Variants in SEMA3D observed in about 807,000 individuals in gnomAD.
SEMA3D encodes the protein semaphorin 3D.
A neutral mutation model predicts 100.1 loss-of-function variants in SEMA3D; 84 were observed. That is an observed-to-expected ratio of 0.84 (90% CI 0.70 to 1.01). The LOEUF (loss-of-function observed/expected upper bound fraction) is 1.01. SEMA3D is among the 50% of genes least tolerant of loss of function. The pLI is 0.00. For missense variants in SEMA3D, 875 were observed against 934.1 expected, an observed-to-expected ratio of 0.94 and a Z score of 0.82; for synonymous variants, 312 against 320.7, an observed-to-expected ratio of 0.97 and a Z score of 0.29.
intron 8 of SEMA3D, among the ~76,000 whole-genome samples, chr7:85,062,144 TCC>T (rs932238002): frequency 6.6e-6 from 1 of 152,190 alleles, no homozygotes; most frequent in Non-Finnish European, 1.5e-5. Context: ...CAATCTCACC[TCC>T]GCTAGCTGTT....
the SEMA3D span, among the ~76,000 whole-genome samples, chr7:85,208,615 C>T: frequency 6.6e-6 from 1 of 151,878 alleles, no homozygotes; most frequent in Non-Finnish European, 1.5e-5. Context: ...TGTACAAAAT[C>T]CAGACATTGG....
chr7:85,121,655 T>A, intron 3 of SEMA3D, 86 bp downstream of exon 3: 2 of 726,746 alleles, frequency 2.8e-6, no homozygotes, highest in East Asian at 6.1e-5. Flanking sequence ...GAAGTCAATA[T>A]GCTTTTCTAA....
intron 9 of SEMA3D, among the ~76,000 whole-genome samples, chr7:85,047,324 G>A (rs923512500): frequency 5.3e-5 from 8 of 151,710 alleles, no homozygotes; most frequent in Admixed American, 4.0e-4. Context: ...CTAAAGCAGG[G>A]TAATATGGCA....
At chr7:85,018,354 T>A (rs113032700) in intron 14 of SEMA3D, 61 bp from the exon 15 acceptor site, 2 of 1,042,742 alleles carry the variant, frequency 1.9e-6, no homozygotes, top group Non-Finnish European at 1.5e-6. Flanking sequence ...TATTAAACAA[T>A]ATGTTGTTTT....
At chr7:85,170,062 T>A (rs906981804) in intron 1 of SEMA3D, among the ~76,000 whole-genome samples, 1 of 151,636 alleles carries the variant, frequency 6.6e-6, no homozygotes. Context: ...AGCAAAAGAT[T>A]TAAAAAAAGA....
chr7:85,089,137 C>G (rs987749463), intron 4 of SEMA3D, among the ~76,000 whole-genome samples: 4 of 152,140 alleles, frequency 2.6e-5, no homozygotes, highest in African/African-American at 7.2e-5. Context: ...TGAATCTCAG[C>G]AGCCCAGCCT....
intron 3 of SEMA3D, among the ~76,000 whole-genome samples, chr7:85,116,213 CAT>C (rs1251838138): frequency 6.8e-6 from 1 of 147,962 alleles, no homozygotes; most frequent in Non-Finnish European, 1.5e-5. Context: ...TGCACATATA[CAT>C]ATATAAATAC....
intron 8 of SEMA3D, among the ~76,000 whole-genome samples, chr7:85,057,130 A>G (rs891656855): frequency 6.6e-6 from 1 of 152,104 alleles, no homozygotes; most frequent in Admixed American, 6.6e-5. Context: ...AAAGATGGCC[A>G]TAATATATGT....
chr7:85,171,434 G>A lies in SEMA3D; in HGVS notation c.-173+15244C>T, dbSNP rs113667916. On this transcript the variant is annotated intron_variant, in intron 1 of 18. Coordinates refer to ENST00000284136, the MANE Select transcript of SEMA3D (RefSeq NM_001384900.1). Reference sequence around the variant, plus strand: ...GAAAGGGAACAGTCAGGGGAAACCCGGGAATTATGGGGGCCTCAAAATAAG... The same window carrying A: ...GAAAGGGAACAGTCAGGGGAAACCCAGGAATTATGGGGGCCTCAAAATAAG... Among the ~76,000 whole-genome samples the A allele has an allele frequency of 7.2e-3, 1,094 of 151,988 alleles. 13 individuals are homozygous for A. Among genetic ancestry groups the A allele is most frequent in the African/African-American group, 0.025 (1,048 of 41,476 alleles).
chr7:85,024,863 T>A (rs1208357111), intron 12 of SEMA3D, among the ~76,000 whole-genome samples: 1 of 152,012 alleles, frequency 6.6e-6, no homozygotes, highest in African/African-American at 2.4e-5. Flanking sequence ...TGATATCATA[T>A]AGCTGTGCTG....
chr7:85,106,894 G>A (rs1227352849), intron 3 of SEMA3D, among the ~76,000 whole-genome samples: 2 of 151,826 alleles, frequency 1.3e-5, no homozygotes, highest in Non-Finnish European at 2.9e-5. Flanking sequence ...GGGGGAAACC[G>A]CCCTCATGAT....
At chr7:85,114,540 G>C (rs549754205) in intron 3 of SEMA3D, among the ~76,000 whole-genome samples, 1 of 152,110 alleles carries the variant, frequency 6.6e-6, no homozygotes. Context: ...TAGCCCTGGA[G>C]AGCTGGTAGG....
Position 85,131,545 on chromosome 7 carries a change from T to A in SEMA3D, c.-40-9614A>T, listed in dbSNP as rs540517069. Reference sequence around the variant, plus strand: ...GTGAATATGTGTAGTACTTGACTTTTAAGATTTTTACTTGGATTAAAAAGA... The same window carrying A: ...GTGAATATGTGTAGTACTTGACTTTAAAGATTTTTACTTGGATTAAAAAGA... On this transcript the variant is annotated intron_variant, in intron 2 of 18. Coordinates refer to ENST00000284136, the MANE Select transcript of SEMA3D (RefSeq NM_001384900.1). Among the ~76,000 whole-genome samples, 279 of 152,192 alleles carry A rather than the reference T, an allele frequency of 1.8e-3. 1 individual carries two copies. The highest frequency in any genetic ancestry group is 6.5e-3 in the African/African-American group (271 of 41,586).
intron 3 of SEMA3D, among the ~76,000 whole-genome samples, chr7:85,114,257 T>C (rs1346912516): frequency 6.6e-6 from 1 of 152,082 alleles, no homozygotes; most frequent in African/African-American, 2.4e-5. Flanking sequence ...TTTTAAAAGG[T>C]GGTATGGCAG....
At chr7:85,233,817 G>A in the SEMA3D span, among the ~76,000 whole-genome samples, 1 of 152,080 alleles carries the variant, frequency 6.6e-6, no homozygotes, top group African/African-American at 2.4e-5. Flanking sequence ...AAATGTTTTC[G>A]TTGTGAAAGA....
rs376150524 is a variant in SEMA3D at position 85,092,366 on chromosome 7, T to C, written c.312+5439A>G. The stretch of plus-strand genomic sequence containing the variant: ...ATTACAATATGCTTAGTGCTAATAA[T>C]AGATACTCAATGGATTTTTGTTGAA... On this transcript the variant is annotated intron_variant, in intron 4 of 18. Coordinates refer to ENST00000284136, the MANE Select transcript of SEMA3D (RefSeq NM_001384900.1). Among the ~76,000 whole-genome samples the C allele has an allele frequency of 2.6e-5, 4 of 152,152 alleles. No homozygotes were observed. In the East Asian group the frequency reaches 5.8e-4, roughly 22 times the overall value.
intron 3 of SEMA3D, among the ~76,000 whole-genome samples, chr7:85,100,410 C>G (rs1006222872): frequency 2.0e-5 from 3 of 151,064 alleles, no homozygotes; most frequent in Non-Finnish European, 4.4e-5. Flanking sequence ...AATCCTTTCA[C>G]TAGATTTTAC....
intron 2 of SEMA3D, among the ~76,000 whole-genome samples, chr7:85,150,957 A>G (rs929999102): frequency 2.0e-5 from 3 of 152,062 alleles, no homozygotes; most frequent in African/African-American, 7.2e-5. Context: ...TTTTAAAACA[A>G]TGTTTCTAAA....
chr7:85,104,784 AAAAAG>A lies in SEMA3D; in HGVS notation c.152-6824_152-6820del, dbSNP rs572885937. ...ACGAGAAGACTACATAGATTAAAAAAAAAAGAAAAGAAAAGAAAAGAAAAAAAATG... is the reference window on the plus strand; with the variant it reads ...ACGAGAAGACTACATAGATTAAAAAAAAAAGAAAAGAAAAGAAAAAAAATG... On this transcript the variant is annotated intron_variant, in intron 3 of 18. Coordinates refer to ENST00000284136, the MANE Select transcript of SEMA3D (RefSeq NM_001384900.1). Among the ~76,000 whole-genome samples, 154 of 152,082 alleles carry A rather than the reference AAAAAG, an allele frequency of 1.0e-3. 1 individual carries two copies. The highest frequency in any genetic ancestry group is 3.3e-3 in the African/African-American group (136 of 41,520).
Sources: allele counts gnomAD v4.1 joint callset (sites outside exome capture counted in the v4.1 genomes callset), GRCh38; gene constraint gnomAD v4.1.1; transcripts MANE v1.5; gene names NCBI Gene and HGNC (gene_info 2026-07-23, HGNC 2026-07-21).